SPG7: variants seen among roughly 807,000 people sequenced by gnomAD.
SPG7 encodes mitochondrial inner membrane m-AAA protease component paraplegin.
In SPG7, 103 loss-of-function variants were observed where a neutral mutation model predicts 81.9. The observed-to-expected ratio is 1.26, with a 90% CI of 1.07 to 1.48. SPG7 has a LOEUF of 1.48. Among genes scored for constraint, SPG7 ranks in the 40% most tolerant of loss-of-function variants. The pLI, the probability that SPG7 is intolerant of heterozygous loss-of-function variation, is 0.00. For synonymous variants in SPG7, 534 were observed against 444.2 expected, an observed-to-expected ratio of 1.20 and a Z score of -2.54; for missense variants, 1,241 against 1,087.3, an observed-to-expected ratio of 1.14 and a Z score of -1.99.
chr16:89,510,742 A>G lies in SPG7; in HGVS notation c.286+150A>G, dbSNP rs527958953. 65 of 669,704 alleles carry G rather than the reference A, an allele frequency of 9.7e-5. No homozygotes were observed. The African/African-American group carries it at 1.1e-3, about 11-fold the overall frequency. 41.5% of individuals were successfully genotyped at this position (669,704 alleles called of 1,614,324 possible). A position where few individuals can be genotyped will look rare whatever the true frequency, so the allele number is the denominator to read the frequency against. ...TACAATGGTGTGATCAGAGCTCACT[A>G]CAGCCTAGAACTCCTGGGCTCAAGG... On this transcript the variant is annotated intron_variant, in intron 2 of 16. Coordinates refer to ENST00000645818, the MANE Select transcript of SPG7 (RefSeq NM_003119.4).
chr16:89,556,114 T>A, intron 16 of SPG7: 1 of 398,832 alleles, frequency 2.5e-6, no homozygotes. Context: ...TGAGGAGTGG[T>A]GTGTCTGCCC....
chr16:89,546,519 A>C (rs1597656293), intron 10 of SPG7, 139 bp from the exon 11 acceptor site: 1 of 757,836 alleles, frequency 1.3e-6, no homozygotes, highest in East Asian at 2.5e-5. Flanking sequence ...CTCTACTAAA[A>C]ATACAAAACT....
chr16:89,547,264 C>G (rs571183651), intron 11 of SPG7: 1 of 194,464 alleles, frequency 5.1e-6, no homozygotes, highest in South Asian at 9.1e-5. Context: ...TAGGGTCTTT[C>G]ACTAGAATTT....
At chr16:89,512,410 G>T (rs2058035250) in intron 2 of SPG7, among the ~76,000 whole-genome samples, 1 of 151,364 alleles carries the variant, frequency 6.6e-6, no homozygotes, top group East Asian at 2.0e-4. Flanking sequence ...CCGCCTCCCG[G>T]GTTCAAGCAA....
intron 16 of SPG7, chr16:89,555,766 A>C: frequency 2.5e-6 from 1 of 398,062 alleles, no homozygotes; most frequent in East Asian, 3.6e-5. Flanking sequence ...GGGTTTGGTA[A>C]CTGCTGCTTA....
intron 5 of SPG7, 76 bp from the exon 6 acceptor site, chr16:89,529,401 G>T: frequency 1.1e-6 from 1 of 900,416 alleles, no homozygotes; most frequent in Non-Finnish European, 1.8e-6. Context: ...ATTGCCAGCA[G>T]TGGTTCTGAT....
At chr16:89,526,796 C>G in intron 5 of SPG7, 1 of 362,652 alleles carries the variant, frequency 2.8e-6, no homozygotes, top group Non-Finnish European at 5.3e-6. Flanking sequence ...ATGCCGAAGT[C>G]TCAGCCCCCG....
intron 10 of SPG7, chr16:89,545,851 A>C (rs549898986): frequency 3.6e-5 from 15 of 411,096 alleles, no homozygotes; most frequent in Non-Finnish European, 7.2e-5. Context: ...TTTTCTTTTT[A>C]ATTTTTCTTT....
In SPG7 at chr16:89,526,420, C is replaced by T; in HGVS notation, c.710C>T (p.Ala237Val). Residue 237 changes from alanine (A) to valine (V), a missense_variant, in exon 5 of 17, where the codon GCC becomes GTC. Physicochemically the swap from Ala to Val is moderately conservative, Grantham distance 64 (BLOSUM62 0). Coordinates refer to ENST00000645818, the MANE Select transcript of SPG7 (RefSeq NM_003119.4). ...RAAEDELNIE[A>V]KDRIPVSYKR... ...GCTGAAGATGAGCTGAATATCGAGG[C>T]CAAGGACAGGATCCCAGTTTCCTAC... 2 of 1,614,104 alleles carry T rather than the reference C, an allele frequency of 1.2e-6. No homozygotes were observed. Among genetic ancestry groups the T allele is most frequent in the South Asian group, 2.2e-5 (2 of 91,068 alleles).
At chr16:89,537,810 C>T (rs1255616120) in intron 9 of SPG7, 1 of 983,272 alleles carries the variant, frequency 1.0e-6, no homozygotes, top group Non-Finnish European at 1.2e-6. Flanking sequence ...GGGTCCTGGT[C>T]CTGGTCCCAG....
At chr16:89,545,810 T>C in intron 10 of SPG7, 1 of 387,944 alleles carries the variant, frequency 2.6e-6, no homozygotes, top group East Asian at 7.9e-5. Flanking sequence ...TGTGACGTGC[T>C]TCATTAGCTA....
chr16:89,544,935 A>G (rs1597654369), intron 10 of SPG7, 163 bp downstream of exon 10: 2 of 806,968 alleles, frequency 2.5e-6, no homozygotes, highest in Admixed American at 2.0e-5. Context: ...GCACGCCCCC[A>G]GCAGACCTGC....
chr16:89,526,402 A>C lies in SPG7; in HGVS notation c.692A>C (p.Asp231Ala). 6.2e-7 allele frequency: 1 copy of C among 1,614,190 alleles called. No individual in the cohort carries two copies. Among genetic ancestry groups the C allele is most frequent in the Non-Finnish European group, 8.5e-7 (1 of 1,180,024 alleles). The part of the protein sequence containing the change: ...KFEEKLRAAE[D>A]ELNIEAKDRI... Reference sequence around the variant, plus strand: ...GAAGAGAAGCTTCGAGCAGCTGAAGATGAGCTGAATATCGAGGCCAAGGAC... The same window carrying C: ...GAAGAGAAGCTTCGAGCAGCTGAAGCTGAGCTGAATATCGAGGCCAAGGAC... Residue 231 changes from aspartate (D) to alanine (A), a missense_variant, in exon 5 of 17, where the codon GAT becomes GCT. Coordinates refer to ENST00000645818, the MANE Select transcript of SPG7 (RefSeq NM_003119.4).
At chr16:89,550,632 TC>T (rs752234740) in intron 13 of SPG7, 23 bp downstream of exon 13, 5 of 1,556,506 alleles carry the variant, frequency 3.2e-6, no homozygotes, top group Non-Finnish European at 4.4e-6. Flanking sequence ...AGGTGCCGGC[TC>T]CACGGGCCTT....
At chr16:89,551,043 A>G in intron 13 of SPG7, 1 of 261,226 alleles carries the variant, frequency 3.8e-6, no homozygotes, top group South Asian at 4.4e-5. Flanking sequence ...AGCCTGGCCA[A>G]CAGGGCAAAA....
intron 10 of SPG7, chr16:89,545,528 A>G (rs1410554362): frequency 5.0e-6 from 1 of 199,156 alleles, no homozygotes; most frequent in Non-Finnish European, 1.0e-5. Flanking sequence ...TCTCCAGGGG[A>G]CACTGCTTCT....
At chr16:89,515,292 G>A (rs1212958446) in intron 3 of SPG7, among the ~76,000 whole-genome samples, 3 of 148,632 alleles carry the variant, frequency 2.0e-5, no homozygotes, top group East Asian at 2.0e-4. Flanking sequence ...TTTTTGAAAC[G>A]GAGTCTCGCT....
At chr16:89,539,777 G>C (rs908898799) in intron 9 of SPG7, 1 of 152,158 alleles carries the variant, frequency 6.6e-6, no homozygotes, top group African/African-American at 2.4e-5. Flanking sequence ...GTCTCACCTT[G>C]TTGCCCAGCC....
intron 14 of SPG7, 108 bp from the exon 15 acceptor site, chr16:89,553,686 G>A (rs999891982): frequency 3.7e-6 from 4 of 1,081,928 alleles, no homozygotes; most frequent in South Asian, 2.6e-5. Context: ...TCGGGAGGAA[G>A]GGGATGGAGG....
Sources: gnomAD v4.1 joint callset for allele counts (sites outside exome capture counted in the v4.1 genomes callset) on GRCh38, gnomAD v4.1.1 for gene constraint, MANE v1.5 for transcripts, NCBI Gene and HGNC (gene_info 2026-07-23, HGNC 2026-07-21) for gene names.